Variants in AFF3 observed in about 807,000 individuals in gnomAD.
AFF3 encodes the protein AF4/FMR2 family member 3.
In AFF3, 32 loss-of-function variants were observed where a neutral mutation model predicts 129.7. The ratio of observed to expected loss-of-function variants is 0.25; its 90% CI spans 0.19 to 0.33. The LOEUF is 0.33. Ranked by LOEUF, AFF3 falls within the 10% of genes least tolerant of loss-of-function variation. The probability of loss-of-function intolerance (pLI) is 1.00; values close to 1 mark genes in which losing one functional copy is unlikely to be tolerated. For missense variants in AFF3, 1,373 were observed against 1,592.0 expected (o/e 0.86, Z 2.34); for synonymous variants, 644 against 635.4 (o/e 1.01, Z -0.20).
chr2:99,562,465 C>G (rs925440286), intron 20 of AFF3, among the ~76,000 whole-genome samples: 1 of 152,222 alleles, frequency 6.6e-6, no homozygotes, highest in Non-Finnish European at 1.5e-5. Flanking sequence ...TTTATATTAT[C>G]AAATTCTACA....
chr2:99,588,665 G>C (rs1285517827), intron 15 of AFF3, among the ~76,000 whole-genome samples: 1 of 152,104 alleles, frequency 6.6e-6, no homozygotes, highest in African/African-American at 2.4e-5. Flanking sequence ...TTGCCACACA[G>C]CCTCTGCCAC....
rs777939265 is a variant in AFF3, at chr2:100,007,158, T to G, written c.477A>C (p.Gln159His). The change falls in exon 6 of 25, where the codon CAA (glutamine) becomes CAC (histidine). Residue 159 changes from glutamine (Q) to histidine (H), a missense_variant. Gln to His is a conservative substitution (Grantham distance 24). This residue lies in a region of AFF3 where 255 missense variants were observed against 256.0 expected (regional missense o/e 1.00). Transcript: ENST00000672756. The stretch of plus-strand genomic sequence containing the variant: ...TGTGCCTGTGCTTACTTGCTCTCTG[T>G]TGGCCGTCAGAGGGTGGGTGCCCAG... ...QKAGHPPSDG[Q>H]QRATQQGSLR... 1.9e-6 allele frequency: 3 copies of G among 1,614,126 alleles called. No homozygotes were observed. The highest frequency in any genetic ancestry group is 1.7e-6 in the Non-Finnish European group (2 of 1,179,990).
chr2:99,906,006 T>C (rs1269938245), intron 7 of AFF3, among the ~76,000 whole-genome samples: 1 of 152,172 alleles, frequency 6.6e-6, no homozygotes, highest in Non-Finnish European at 1.5e-5. Context: ...GACTAATGCA[T>C]GGCTGGAAAC....
chr2:100,006,584 C>G (rs778441347), intron 7 of AFF3, 48 bp downstream of exon 7: 5 of 1,519,066 alleles, frequency 3.3e-6, no homozygotes, highest in Non-Finnish European at 4.4e-6. Flanking sequence ...GTCAAATTGT[C>G]ACTTGTAACT....
intron 5 of AFF3, 56 bp from the exon 6 acceptor site, chr2:100,007,516 A>G: frequency 1.3e-6 from 2 of 1,491,278 alleles, no homozygotes; most frequent in Non-Finnish European, 1.8e-6. Flanking sequence ...AACACCGGAG[A>G]TAATCAACAG....
chr2:100,123,545 C>G (rs575938586), intron 2 of AFF3, among the ~76,000 whole-genome samples: 3 of 152,300 alleles, frequency 2.0e-5, no homozygotes, highest in Non-Finnish European at 4.4e-5. Flanking sequence ...GGCTTCATTA[C>G]TTGTAGCTCT....
rs1483302205 is a variant in AFF3, at chr2:100,095,126, TG to T, written c.53+9275del. Among the ~76,000 whole-genome samples, 4 of 141,930 alleles carry T rather than the reference TG, an allele frequency of 2.8e-5. No individual in the cohort carries two copies. In the East Asian group the frequency reaches 8.0e-4, roughly 28 times the overall value. The allele number at this position is 141,930 out of a possible 152,430, so 93.1% of individuals were successfully genotyped here. A position where few individuals can be genotyped will look rare whatever the true frequency, so the allele number is the denominator to read the frequency against. On this transcript the variant is annotated intron_variant, in intron 4 of 24. Transcript: ENST00000672756. Reference sequence around the variant, plus strand: ...ACAGTCTTTTTTTTTTGGTGTGTGGTGGGGGGCGGGTTGTCTGAATCACCTG... The same window carrying T: ...ACAGTCTTTTTTTTTTGGTGTGTGGTGGGGGCGGGTTGTCTGAATCACCTG...
Position 99,650,796 on chromosome 2 carries a change from A to ATGTGTGTG in AFF3, c.1144-1138_1144-1131dup, listed in dbSNP as rs142082185. ...TTGTTTTTTTCTTCTACTAAAATTA[A>ATGTGTGTG]TGTGTGTGTGTGTGTGTGTGTGTGT... On this transcript the variant is annotated intron_variant, in intron 12 of 24. Coordinates refer to ENST00000672756, the MANE Select transcript of AFF3 (RefSeq NM_001386135.1). Among the ~76,000 whole-genome samples the ATGTGTGTG allele has an allele frequency of 4.1e-4, 59 of 144,832 alleles. No homozygotes were observed. In the Middle Eastern group the frequency reaches 0.011, roughly 26 times the overall value.
rs116093460 is a variant in AFF3 at position 99,672,128 on chromosome 2, C to T, written c.1143+410G>A. Among the ~76,000 whole-genome samples, 668 of 147,332 alleles carry T rather than the reference C, an allele frequency of 4.5e-3. 7 individuals are homozygous for T. The highest frequency in any genetic ancestry group is 0.014 in the African/African-American group (587 of 40,694). On this transcript the variant is annotated intron_variant, in intron 12 of 24. Coordinates refer to ENST00000672756, the MANE Select transcript of AFF3 (RefSeq NM_001386135.1). ...AATGTTACGGATTGCCTGTTGCATG[C>T]TGATGAGGTTAAGGTCATATGTTTG...
chr2:100,041,148 A>G (rs930795709), intron 4 of AFF3, among the ~76,000 whole-genome samples: 1 of 152,212 alleles, frequency 6.6e-6, no homozygotes, highest in African/African-American at 2.4e-5. Flanking sequence ...CAGCTCTACT[A>G]AAGTGATAGA....
chr2:99,593,584 C>T lies in AFF3; in HGVS notation c.2077G>A (p.Ala693Thr), dbSNP rs761365643. The T allele has an allele frequency of 5.6e-6, 9 of 1,612,982 alleles. No homozygotes were observed. The highest frequency in any genetic ancestry group is 3.3e-5 in the Admixed American group (2 of 60,008). Residue 693 changes from alanine (A) to threonine (T), a missense_variant, in exon 15 of 25, where the codon GCA becomes ACA. This residue lies in a region of AFF3 where 466 missense variants were observed against 505.0 expected (regional missense o/e 0.92). Transcript: ENST00000672756. The part of the protein sequence containing the change: ...SEQEEYPLSK[A>T]QTVAASASSG... ...GAGGCAGAGGCAGCCACGGTCTGTGCTTTGGACAGAGGGTACTCCTCCTGC... is the reference window on the plus strand; with the variant it reads ...GAGGCAGAGGCAGCCACGGTCTGTGTTTTGGACAGAGGGTACTCCTCCTGC...
intron 10 of AFF3, among the ~76,000 whole-genome samples, chr2:99,735,068 T>C (rs1680139419): frequency 6.6e-6 from 1 of 152,226 alleles, no homozygotes; most frequent in South Asian, 2.1e-4. Flanking sequence ...ATTCAGGTTA[T>C]ATTTATATGT....
intron 7 of AFF3, among the ~76,000 whole-genome samples, chr2:99,975,172 T>C (rs1678753511): frequency 1.3e-5 from 2 of 152,238 alleles, no homozygotes; most frequent in African/African-American, 4.8e-5. Context: ...CACTGGGTCT[T>C]TTCTCTTGAC....
intron 8 of AFF3, among the ~76,000 whole-genome samples, chr2:99,832,268 C>T (rs1055675156): frequency 6.6e-6 from 1 of 152,178 alleles, no homozygotes; most frequent in Non-Finnish European, 1.5e-5. Flanking sequence ...TTTCTAATGA[C>T]GTGCATCAAA....
chr2:100,026,902 T>C (rs1221803560), intron 4 of AFF3, among the ~76,000 whole-genome samples: 1 of 148,586 alleles, frequency 6.7e-6, no homozygotes, highest in Non-Finnish European at 1.5e-5. Flanking sequence ...GGCATAAGAA[T>C]GATACAATGG....
intron 7 of AFF3, among the ~76,000 whole-genome samples, chr2:99,908,645 C>T (rs1190390132): frequency 6.6e-6 from 1 of 152,020 alleles, no homozygotes; most frequent in Non-Finnish European, 1.5e-5. Context: ...ACAAACAACC[C>T]CATCAAAAAG....
intron 13 of AFF3, among the ~76,000 whole-genome samples, chr2:99,607,374 T>C (rs894706304): frequency 9.9e-5 from 15 of 151,660 alleles, no homozygotes; most frequent in Non-Finnish European, 2.9e-5. Context: ...CTACTAAAAA[T>C]ACAAAAAATT....
intron 11 of AFF3, among the ~76,000 whole-genome samples, chr2:99,705,552 A>T (rs1045234858): frequency 6.6e-6 from 1 of 152,124 alleles, no homozygotes; most frequent in Non-Finnish European, 1.5e-5. Context: ...TACACAGCTG[A>T]CTAGCTTATT....
chr2:99,729,339 T>C (rs1679617661), intron 10 of AFF3, among the ~76,000 whole-genome samples: 1 of 152,214 alleles, frequency 6.6e-6, no homozygotes, highest in African/African-American at 2.4e-5. Flanking sequence ...CTGATTATCT[T>C]TGCTCTTAGC....
Sources: gnomAD v4.1 joint callset for allele counts (sites outside exome capture counted in the v4.1 genomes callset) on GRCh38, gnomAD v4.1.1 for gene constraint, gnomAD v4.1.1 regional missense constraint, MANE v1.5 for transcripts, NCBI Gene and HGNC (gene_info 2026-07-23, HGNC 2026-07-21) for gene names.